DDX46: variants seen among roughly 807,000 people sequenced by gnomAD.
DDX46 encodes probable ATP-dependent RNA helicase DDX46.
In DDX46, 30 loss-of-function variants were observed where a neutral mutation model predicts 134.9. The observed-to-expected ratio is 0.22, with a 90% CI of 0.17 to 0.30. The LOEUF is 0.30. Ranked by LOEUF, DDX46 falls within the 10% of genes least tolerant of loss-of-function variation. The pLI, the probability that DDX46 is intolerant of heterozygous loss-of-function variation, is 1.00. For missense variants in DDX46, 622 were observed against 1,248.7 expected, an observed-to-expected ratio of 0.50 and a Z score of 7.56; for synonymous variants, 415 against 404.1, an observed-to-expected ratio of 1.03 and a Z score of -0.32.
intron 13 of DDX46, among the ~76,000 whole-genome samples, chr5:134,792,989 C>T (rs1335816832): frequency 6.6e-6 from 1 of 151,980 alleles, no homozygotes; most frequent in Non-Finnish European, 1.5e-5. Context: ...AACCTCGTCT[C>T]TACAAAAAAA....
intron 13 of DDX46, among the ~76,000 whole-genome samples, chr5:134,792,415 C>T (rs1161929965): frequency 2.0e-5 from 3 of 151,944 alleles, no homozygotes; most frequent in African/African-American, 7.2e-5. Flanking sequence ...CGTGAGGGAG[C>T]GGGGGCGGAT....
At chr5:134,769,533 TTTTG>T (rs1404179612) in intron 3 of DDX46, among the ~76,000 whole-genome samples, 4 of 150,466 alleles carry the variant, frequency 2.7e-5, no homozygotes, top group Non-Finnish European at 5.9e-5. Flanking sequence ...GGTTTGTTTT[TTTTG>T]TTTGTTTTTT....
intron 13 of DDX46, among the ~76,000 whole-genome samples, chr5:134,794,416 C>T (rs1207708949): frequency 6.6e-6 from 1 of 152,184 alleles, no homozygotes; most frequent in Non-Finnish European, 1.5e-5. Flanking sequence ...CAATTGTTGT[C>T]TAGGTGTGGA....
chr5:134,777,879 A>T, intron 6 of DDX46, 154 bp downstream of exon 6: 1 of 785,986 alleles, frequency 1.3e-6, no homozygotes, highest in Non-Finnish European at 1.9e-6. Context: ...AGTACCAGAG[A>T]TACTGGTAAA....
chr5:134,771,863 A>G (rs1753783514), intron 4 of DDX46, among the ~76,000 whole-genome samples: 2 of 152,216 alleles, frequency 1.3e-5, no homozygotes, highest in Admixed American at 6.5e-5. Flanking sequence ...TCTATACGCA[A>G]TATCTGTTTT....
rs1245244668 is a variant in DDX46 at position 134,812,944 on chromosome 5, G to A, written c.2436+1099G>A. On this transcript the variant is annotated intron_variant, in intron 18 of 22. Coordinates refer to ENST00000452510, the MANE Select transcript of DDX46 (RefSeq NM_001300860.2). ...TGAGCCACTGTGCCTGGCCAATAAAGTCATTTTTTTTTTTTTGAGACGGAG... is the reference window on the plus strand; with the variant it reads ...TGAGCCACTGTGCCTGGCCAATAAAATCATTTTTTTTTTTTTGAGACGGAG... Among the ~76,000 whole-genome samples, 5 of 151,666 alleles carry A rather than the reference G, an allele frequency of 3.3e-5. No homozygotes were observed. In the East Asian group the frequency reaches 7.8e-4, roughly 24 times the overall value.
At chr5:134,797,772 A>C (rs1388728084) in intron 15 of DDX46, among the ~76,000 whole-genome samples, 1 of 152,146 alleles carries the variant, frequency 6.6e-6, no homozygotes, top group East Asian at 1.9e-4. Context: ...AGGGGCTTTG[A>C]AGATTTGTGT....
At position 134,817,609 on chromosome 5, in the gene DDX46, C is replaced by T. The variant is rs1333755902; in HGVS notation, c.2727C>T (p.Leu909=). Residue 909 remains leucine (L), a synonymous_variant, in exon 20 of 23, where the codon CTC becomes CTT. Coordinates refer to ENST00000452510, the MANE Select transcript of DDX46 (RefSeq NM_001300860.2). ...EQLAEKINAK[L]NYVPLEKQEE... ...TTGCTGAAAAGATCAATGCCAAGCT[C>T]AATTATGTGCCGTTAGAGAAACAAG... 1 of 1,613,876 alleles carries T rather than the reference C, an allele frequency of 6.2e-7. No homozygotes were observed. The highest frequency in any genetic ancestry group is 8.5e-7 in the Non-Finnish European group (1 of 1,180,022).
Position 134,807,881 on chromosome 5 carries a change from C to G in DDX46, c.2088C>G (p.Cys696Trp). 1 of 1,614,144 alleles carries G rather than the reference C, an allele frequency of 6.2e-7. No homozygotes were observed. The highest frequency in any genetic ancestry group is 8.5e-7 in the Non-Finnish European group (1 of 1,180,016). Reference sequence around the variant, plus strand: ...TGATTCTTGTAGTAAATTATAGCTGCCCCAACCATTATGAGGATTATGTAC... The same window carrying G: ...TGATTCTTGTAGTAAATTATAGCTGGCCCAACCATTATGAGGATTATGTAC... Reference protein sequence around the residue: ...KHLILVVNYSCPNHYEDYVHR... With the variant: ...KHLILVVNYSWPNHYEDYVHR... Residue 696 changes from cysteine to tryptophan, a missense_variant, in exon 16 of 23, where the codon TGC becomes TGG. This residue lies in a region of DDX46 where 209 missense variants were observed against 508.4 expected (regional missense o/e 0.41). Transcript: ENST00000452510.
chr5:134,771,067 TTCCC>T, intron 4 of DDX46, 68 bp downstream of exon 4: 1 of 680,738 alleles, frequency 1.5e-6, no homozygotes, highest in Non-Finnish European at 2.5e-6. Flanking sequence ...TTTTCTTTCT[TTCCC>T]TCTTTCTTTC....
At position 134,758,969 on chromosome 5, in the gene DDX46, C is replaced by CCGAGCGGGCTAGCGGG; in HGVS notation, c.17+22_17+37dup. The stretch of plus-strand genomic sequence containing the variant: ...TCGGGAGTCACGGTGAGGCAGAGCG[C>CCGAGCGGGCTAGCGGG]CGAGCGGGCTAGCGGGCGAGCGGCT... On this transcript the variant is annotated intron_variant, in intron 1 of 22. Transcript: ENST00000452510. The CCGAGCGGGCTAGCGGG allele has an allele frequency of 6.2e-7, 1 of 1,610,852 alleles. No individual in the cohort carries two copies. The highest frequency in any genetic ancestry group is 8.5e-7 in the Non-Finnish European group (1 of 1,179,772).
intron 15 of DDX46, among the ~76,000 whole-genome samples, chr5:134,799,475 C>T (rs1223453819): frequency 3.3e-5 from 5 of 151,202 alleles, no homozygotes; most frequent in Admixed American, 6.6e-5. Context: ...CCGTGGCTCA[C>T]GCCTGTAATC....
At chr5:134,803,128 G>A (rs1267954844) in intron 15 of DDX46, among the ~76,000 whole-genome samples, 1 of 152,068 alleles carries the variant, frequency 6.6e-6, no homozygotes, top group Non-Finnish European at 1.5e-5. Context: ...CAAGTAGCTG[G>A]GATGACAGGT....
intron 15 of DDX46, among the ~76,000 whole-genome samples, chr5:134,796,996 C>T (rs1264166940): frequency 7.0e-6 from 1 of 143,522 alleles, no homozygotes; most frequent in Non-Finnish European, 1.5e-5. Context: ...ATTAAAAATA[C>T]AAAATTAGCC....
Position 134,784,313 on chromosome 5 carries a change from G to A in DDX46, c.1167-53G>A. ...TTATGGGAACACATAGGACCTGTCT[G>A]GGGCCCAGCAATCTCAATTCTTACC... On this transcript the variant is annotated intron_variant, in intron 9 of 22. Transcript: ENST00000452510. 4 of 1,546,382 alleles carry A rather than the reference G, an allele frequency of 2.6e-6. No individual in the cohort carries two copies. The Admixed American group carries it at 8.0e-5, about 31-fold the overall frequency.
At chr5:134,801,680 T>G (rs1754833212) in intron 15 of DDX46, among the ~76,000 whole-genome samples, 1 of 152,232 alleles carries the variant, frequency 6.6e-6, no homozygotes, top group Non-Finnish European at 1.5e-5. Flanking sequence ...GATTCAAGCC[T>G]GAGCCACGGT....
chr5:134,780,888 G>A (rs531785526), intron 6 of DDX46: 9 of 249,540 alleles, frequency 3.6e-5, no homozygotes, highest in African/African-American at 9.3e-5. Flanking sequence ...AAATTAACTG[G>A]GTTTGGTGAC....
intron 15 of DDX46, chr5:134,797,308 A>G (rs2150149631): frequency 4.9e-6 from 1 of 205,154 alleles, no homozygotes; most frequent in African/African-American, 2.4e-5. Context: ...ATAGTTACTT[A>G]TTTTGCTTAT....
chr5:134,779,491 G>A (rs1754064552), intron 6 of DDX46, among the ~76,000 whole-genome samples: 1 of 152,128 alleles, frequency 6.6e-6, no homozygotes, highest in Non-Finnish European at 1.5e-5. Context: ...ACCACACTCG[G>A]CCTTATTTTA....
Sources: allele counts gnomAD v4.1 joint callset (sites outside exome capture counted in the v4.1 genomes callset), GRCh38; gene constraint gnomAD v4.1.1; regional missense constraint gnomAD v4.1.1; transcripts MANE v1.5; gene names NCBI Gene and HGNC (gene_info 2026-07-23, HGNC 2026-07-21).